SYT1: variants seen among roughly 807,000 people sequenced by gnomAD.
The protein encoded by SYT1 is synaptotagmin 1, also known as synaptotagmin-1.
Under a neutral mutation model 44.8 loss-of-function variants are expected in SYT1, and 8 were observed. That is an observed-to-expected ratio of 0.18 (90% CI 0.10 to 0.32). The LOEUF is 0.32. Among genes scored for constraint, SYT1 ranks in the 10% least tolerant of loss-of-function variants. The pLI is 1.00. For missense variants in SYT1, 286 were observed against 509.3 expected, an observed-to-expected ratio of 0.56 and a Z score of 4.22; for synonymous variants, 154 against 188.8, an observed-to-expected ratio of 0.82 and a Z score of 1.51.
chr12:78,933,158 A>T (rs1877849407), intron 1 of SYT1, among the ~76,000 whole-genome samples: 1 of 152,268 alleles, frequency 6.6e-6, no homozygotes, highest in South Asian at 2.1e-4. Flanking sequence ...ATATTTCCTC[A>T]TCTCTCTTTA....
intron 3 of SYT1, among the ~76,000 whole-genome samples, chr12:79,092,172 A>G (rs1025052412): frequency 1.3e-5 from 2 of 151,908 alleles, no homozygotes; most frequent in East Asian, 1.9e-4. Flanking sequence ...CAACCATGTT[A>G]ATTATTTATC....
At chr12:79,285,032 CCT>C (rs1218767902) in intron 4 of SYT1, among the ~76,000 whole-genome samples, 10 of 152,216 alleles carry the variant, frequency 6.6e-5, no homozygotes, top group Non-Finnish European at 1.3e-4. Flanking sequence ...AGTCACACAG[CCT>C]CTAAGTGGCC....
chr12:79,441,837 C>G (rs1870440546), intron 9 of SYT1, among the ~76,000 whole-genome samples: 1 of 152,180 alleles, frequency 6.6e-6, no homozygotes, highest in Admixed American at 6.5e-5. Context: ...CTGGCTGGTA[C>G]AAGCATCACC....
At chr12:78,916,210 T>A (rs2137145261) in intron 1 of SYT1, among the ~76,000 whole-genome samples, 1 of 152,170 alleles carries the variant, frequency 6.6e-6, no homozygotes, top group South Asian at 2.1e-4. Flanking sequence ...GGTATAGGAT[T>A]CATCTGCTGA....
At chr12:79,137,837 T>C (rs1869298898) in intron 3 of SYT1, among the ~76,000 whole-genome samples, 1 of 152,206 alleles carries the variant, frequency 6.6e-6, no homozygotes, top group Non-Finnish European at 1.5e-5. Context: ...CTGGTATTCA[T>C]GTATATGAGC....
At chr12:79,126,839 G>A (rs1868474380) in intron 3 of SYT1, among the ~76,000 whole-genome samples, 1 of 152,122 alleles carries the variant, frequency 6.6e-6, no homozygotes, top group Admixed American at 6.6e-5. Flanking sequence ...TACCAGTGAC[G>A]TGAATTCTGT....
intron 9 of SYT1, among the ~76,000 whole-genome samples, chr12:79,426,609 C>T (rs141512928): frequency 7.9e-4 from 120 of 151,978 alleles, no homozygotes; most frequent in African/African-American, 2.1e-3. Context: ...TGTATGATAG[C>T]GATAATCTAA....
intron 3 of SYT1, among the ~76,000 whole-genome samples, chr12:79,095,549 CT>C (rs1479887053): frequency 6.6e-6 from 1 of 151,718 alleles, no homozygotes; most frequent in Admixed American, 6.6e-5. Context: ...CAATAAAAGA[CT>C]TCATTTATAG....
intron 8 of SYT1, chr12:79,341,381 A>G (rs1246085747): frequency 1.3e-5 from 2 of 152,170 alleles, no homozygotes; most frequent in East Asian, 3.8e-4. Context: ...GCATTTCAGC[A>G]TGTAGCTTCC....
chr12:79,035,783 A>C (rs1012175293), intron 2 of SYT1, among the ~76,000 whole-genome samples: 13 of 151,712 alleles, frequency 8.6e-5, no homozygotes, highest in Non-Finnish European at 1.8e-4. Context: ...CTCAACTGGC[A>C]AGGAAACTTG....
chr12:79,396,280 C>T (rs940325257), intron 9 of SYT1, among the ~76,000 whole-genome samples: 1 of 152,096 alleles, frequency 6.6e-6, no homozygotes, highest in Non-Finnish European at 1.5e-5. Context: ...GAAACTATTT[C>T]ACTTGAATAC....
intron 2 of SYT1, among the ~76,000 whole-genome samples, chr12:79,042,816 G>T (rs932199201): frequency 2.0e-5 from 3 of 150,946 alleles, no homozygotes; most frequent in Non-Finnish European, 4.5e-5. Context: ...AGAGATTCTG[G>T]TATGTTGTGT....
intron 1 of SYT1, among the ~76,000 whole-genome samples, chr12:78,866,125 C>A (rs1873531340): frequency 6.6e-6 from 1 of 152,104 alleles, no homozygotes; most frequent in Non-Finnish European, 1.5e-5. Context: ...AGTATTAACC[C>A]TTTCGTGAAA....
intron 1 of SYT1, among the ~76,000 whole-genome samples, chr12:78,876,657 G>GTGTGCACATGTGTACATGTGTGTATATA (rs1874097319): frequency 8.7e-6 from 1 of 115,262 alleles, no homozygotes; most frequent in Admixed American, 1.0e-4. Context: ...ATATACACAC[G>GTGTGCACATGTGTACATGTGTGTATATA]TGTGCACATG....
chr12:79,447,001 A>G (rs193168682), intron 10 of SYT1, among the ~76,000 whole-genome samples: 71 of 152,290 alleles, frequency 4.7e-4, no homozygotes, highest in Middle Eastern at 3.4e-3. Flanking sequence ...ATCCTTTTCA[A>G]CTACAAACTG....
intron 2 of SYT1, among the ~76,000 whole-genome samples, chr12:79,003,497 G>A (rs981727878): frequency 2.6e-5 from 4 of 151,774 alleles, no homozygotes; most frequent in African/African-American, 9.7e-5. Context: ...ATATGAACAG[G>A]CACACACTTA....
At chr12:79,151,143 C>T (rs891371145) in intron 3 of SYT1, among the ~76,000 whole-genome samples, 15 of 152,040 alleles carry the variant, frequency 9.9e-5, no homozygotes, top group Non-Finnish European at 1.2e-4. Flanking sequence ...GGGTGATAAA[C>T]CTATTGAAGA....
At chr12:79,340,941 G>T (rs1037552930) in intron 8 of SYT1, among the ~76,000 whole-genome samples, 5 of 152,138 alleles carry the variant, frequency 3.3e-5, no homozygotes, top group African/African-American at 1.2e-4. Context: ...TTTCTCTATA[G>T]TGGTCCTTCC....
chr12:79,227,909 T>C (rs1218617052), intron 4 of SYT1, among the ~76,000 whole-genome samples: 3 of 152,148 alleles, frequency 2.0e-5, no homozygotes, highest in African/African-American at 4.8e-5. Context: ...GTCACCCAAA[T>C]TGAGAAAATT....
Sources: gnomAD v4.1 joint callset for allele counts (sites outside exome capture counted in the v4.1 genomes callset) on GRCh38, gnomAD v4.1.1 for gene constraint, MANE v1.5 for transcripts, NCBI Gene and HGNC (gene_info 2026-07-23, HGNC 2026-07-21) for gene names.